CADPS: variants seen among roughly 807,000 people sequenced by gnomAD.
CADPS encodes the protein calcium-dependent secretion activator 1.
Under a neutral mutation model 167.3 loss-of-function variants are expected in CADPS, and 57 were observed. That is an observed-to-expected ratio of 0.34 (90% confidence interval 0.28 to 0.42). The LOEUF is 0.42. CADPS is among the 20% of genes least tolerant of loss of function. CADPS has a pLI of 1.00. For synonymous variants in CADPS, 676 were observed against 635.3 expected, an observed-to-expected ratio of 1.06 and a Z score of -0.96; for missense variants, 1,414 against 1,738.1, an observed-to-expected ratio of 0.81 and a Z score of 3.32.
intron 1 of CADPS, among the ~76,000 whole-genome samples, chr3:62,793,571 T>G (rs2152749313): frequency 6.6e-6 from 1 of 152,318 alleles, no homozygotes; most frequent in Middle Eastern, 3.4e-3. Context: ...ACTGGGTTCT[T>G]TCCTCTGACT....
At chr3:62,479,453 T>G (rs2061702759) in intron 22 of CADPS, among the ~76,000 whole-genome samples, 1 of 152,278 alleles carries the variant, frequency 6.6e-6, no homozygotes, top group African/African-American at 2.4e-5. Context: ...TCTGACATCG[T>G]CTATAGAAAC....
At chr3:62,742,314 C>G (rs1003595419) in intron 3 of CADPS, among the ~76,000 whole-genome samples, 5 of 151,924 alleles carry the variant, frequency 3.3e-5, no homozygotes, top group African/African-American at 1.2e-4. Flanking sequence ...GCCTGGATAG[C>G]CAAGGAAATC....
chr3:62,748,605 C>G (rs1272164622), intron 3 of CADPS, among the ~76,000 whole-genome samples: 1 of 152,070 alleles, frequency 6.6e-6, no homozygotes, highest in African/African-American at 2.4e-5. Context: ...AATATCATAT[C>G]GTCATCATCA....
At position 62,701,331 on chromosome 3, in the gene CADPS, C is replaced by T. The variant is rs533938284; in HGVS notation, c.889-38937G>A. 3.9e-5 allele frequency among the ~76,000 whole-genome samples: 6 copies of T among 152,080 alleles called. No individual in the cohort carries two copies. In the South Asian group the frequency reaches 1.0e-3, roughly 26 times the overall value. On this transcript the variant is annotated intron_variant, in intron 3 of 29. Coordinates refer to ENST00000383710, the MANE Select transcript of CADPS (RefSeq NM_003716.4). ...ATTGGGGCTGCAGGACTGAAGATCCCAATACATGGGCTGAAAGCCACCCCA... is the reference window on the plus strand; with the variant it reads ...ATTGGGGCTGCAGGACTGAAGATCCTAATACATGGGCTGAAAGCCACCCCA...
At chr3:62,702,612 G>A (rs2081594838) in intron 3 of CADPS, among the ~76,000 whole-genome samples, 1 of 152,130 alleles carries the variant, frequency 6.6e-6, no homozygotes, top group Non-Finnish European at 1.5e-5. Flanking sequence ...AAATGTTGGA[G>A]TTACTGGGAT....
At chr3:62,731,474 T>C (rs889931633) in intron 3 of CADPS, among the ~76,000 whole-genome samples, 1 of 152,078 alleles carries the variant, frequency 6.6e-6, no homozygotes, top group African/African-American at 2.4e-5. Flanking sequence ...ACTGAGGTAG[T>C]CCACATTTGT....
chr3:62,638,714 T>A (rs750016290), intron 6 of CADPS, among the ~76,000 whole-genome samples: 1 of 152,176 alleles, frequency 6.6e-6, no homozygotes, highest in Non-Finnish European at 1.5e-5. Flanking sequence ...ATTCTGAAAT[T>A]CCAACTAATT....
chr3:62,651,197 CA>C (rs1249776248), intron 4 of CADPS, 117 bp from the exon 5 acceptor site: 1 of 701,078 alleles, frequency 1.4e-6, no homozygotes, highest in African/African-American at 1.8e-5. Context: ...GAAATTCACC[CA>C]GATCTCATGG....
rs573855001 is a variant in CADPS at position 62,691,606 on chromosome 3, G to A, written c.889-29212C>T. 3.3e-4 allele frequency among the ~76,000 whole-genome samples: 50 copies of A among 152,150 alleles called. 2 individuals are homozygous for A. The South Asian group carries it at 9.7e-3, about 30-fold the overall frequency. On this transcript the variant is annotated intron_variant, in intron 3 of 29. Coordinates refer to ENST00000383710, the MANE Select transcript of CADPS (RefSeq NM_003716.4). ...AAGAGATAGTAGGCAGCCATAAAAA[G>A]GAACTAGATCATGTCATTTGCAGGG...
intron 1 of CADPS, among the ~76,000 whole-genome samples, chr3:62,784,157 G>A (rs2092127706): frequency 6.6e-6 from 1 of 152,118 alleles, no homozygotes. Context: ...CCAATTAAAG[G>A]AGGCTCTCAC....
chr3:62,435,377 C>T lies in CADPS; in HGVS notation c.3777+2727G>A, dbSNP rs181911485. ...ACACCATGCTTGAGGAAACAGAAGC[C>T]GAAAATAATCAAACATGTTGGTAAT... is the stretch of plus-strand genomic sequence containing the variant. On this transcript the variant is annotated intron_variant, in intron 28 of 29. Transcript: ENST00000383710. 1.2e-3 allele frequency among the ~76,000 whole-genome samples: 186 copies of T among 152,032 alleles called. 1 individual carries two copies. The highest frequency in any genetic ancestry group is 2.2e-3 in the Non-Finnish European group (148 of 67,988).
chr3:62,429,563 C>A (rs1304964246), intron 28 of CADPS, among the ~76,000 whole-genome samples: 1 of 152,054 alleles, frequency 6.6e-6, no homozygotes, highest in Non-Finnish European at 1.5e-5. Context: ...TCCTGCAATG[C>A]AATGTGATAA....
At chr3:62,812,731 T>C (rs930296662) in intron 1 of CADPS, among the ~76,000 whole-genome samples, 1 of 152,196 alleles carries the variant, frequency 6.6e-6, no homozygotes, top group Non-Finnish European at 1.5e-5. Flanking sequence ...AAATTGATGT[T>C]GGACCCCTTT....
intron 2 of CADPS, among the ~76,000 whole-genome samples, chr3:62,756,986 G>A (rs2084087118): frequency 6.6e-6 from 1 of 152,060 alleles, no homozygotes. Flanking sequence ...TTTTAAGCTG[G>A]GACACGGCAC....
chr3:62,645,967 T>C, intron 5 of CADPS, 124 bp from the exon 6 acceptor site: 1 of 1,048,928 alleles, frequency 9.5e-7, no homozygotes, highest in East Asian at 2.5e-5. Context: ...TTCTGTTAGG[T>C]TTGTACCAGT....
chr3:62,526,433 A>G (rs963683108), intron 13 of CADPS, among the ~76,000 whole-genome samples: 3 of 152,186 alleles, frequency 2.0e-5, no homozygotes, highest in African/African-American at 7.2e-5. Flanking sequence ...TTAAATAATA[A>G]TGTAAATGAG....
chr3:62,601,606 T>C lies in CADPS; in HGVS notation c.1326-8858A>G, dbSNP rs952232574. 7.2e-5 allele frequency among the ~76,000 whole-genome samples: 11 copies of C among 152,182 alleles called. No individual in the cohort carries two copies. ...TGGAGCTCTTTCTAGCACTCTTAGT[T>C]TATTAGAAAATTGGGGCTTGTGTAT... On this transcript the variant is annotated intron_variant, in intron 6 of 29. Coordinates refer to ENST00000383710, the MANE Select transcript of CADPS (RefSeq NM_003716.4). The surrounding 1 kb of genome is among the most constrained non-coding windows in gnomAD (Gnocchi z 4.3).
Position 62,601,377 on chromosome 3 carries a change from C to T in CADPS, c.1326-8629G>A, listed in dbSNP as rs2059943640. ...AGGGCCAACAAACCGAAAATTTTTA[C>T]TTTCTGGTCCTTTATAGAAAAAGTT... is the stretch of plus-strand genomic sequence containing the variant. On this transcript the variant is annotated intron_variant, in intron 6 of 29. Transcript: ENST00000383710. The surrounding 1 kb of genome is among the most constrained non-coding windows in gnomAD (Gnocchi z 4.3). Among the ~76,000 whole-genome samples the T allele has an allele frequency of 6.6e-6, 1 of 152,150 alleles. No homozygotes were observed. Among genetic ancestry groups the T allele is most frequent in the Non-Finnish European group, 1.5e-5 (1 of 68,032 alleles).
At chr3:62,638,888 G>A (rs1337182514) in intron 6 of CADPS, among the ~76,000 whole-genome samples, 1 of 152,164 alleles carries the variant, frequency 6.6e-6, no homozygotes, top group Non-Finnish European at 1.5e-5. Flanking sequence ...GGAGAAGTTG[G>A]AAAGCTTGGT....
Sources: allele counts gnomAD v4.1 joint callset (sites outside exome capture counted in the v4.1 genomes callset), GRCh38; gene constraint gnomAD v4.1.1; non-coding constraint Gnocchi (gnomAD v3.1); transcripts MANE v1.5; gene names NCBI Gene and HGNC (gene_info 2026-07-23, HGNC 2026-07-21).